KIAA1328: variants seen among roughly 807,000 people sequenced by gnomAD.
KIAA1328 encodes the protein KIAA1328.
A neutral mutation model predicts 68.1 loss-of-function variants in KIAA1328; 52 were observed. The ratio of observed to expected loss-of-function variants is 0.76; its 90% confidence interval spans 0.61 to 0.96. The LOEUF is 0.96. Among genes scored for constraint, KIAA1328 ranks in the 40% least tolerant of loss-of-function variants. The probability of loss-of-function intolerance (pLI) is 0.00; values close to 1 mark genes in which losing one functional copy is unlikely to be tolerated. For synonymous variants in KIAA1328, 232 were observed against 239.4 expected (o/e 0.97, Z 0.28); for missense variants, 641 against 677.6 (o/e 0.95, Z 0.60).
chr18:37,030,683 T>C (rs2054788480), intron 6 of KIAA1328, among the ~76,000 whole-genome samples: 1 of 152,134 alleles, frequency 6.6e-6, no homozygotes, highest in African/African-American at 2.4e-5. Context: ...TCTTTCTTTT[T>C]ATTTATTTAT....
chr18:37,142,943 T>TG (rs2058802377), intron 7 of KIAA1328, among the ~76,000 whole-genome samples: 1 of 99,098 alleles, frequency 1.0e-5, no homozygotes, highest in South Asian at 2.8e-4. Context: ...TTTACTTTGG[T>TG]TTTTTTTTTT....
intron 5 of KIAA1328, among the ~76,000 whole-genome samples, chr18:36,942,109 A>G (rs1023739799): frequency 2.6e-5 from 4 of 152,220 alleles, no homozygotes; most frequent in African/African-American, 9.7e-5. Context: ...AAGGTTGCTG[A>G]AGTGGGATAT....
chr18:36,883,484 G>T (rs2048386307), intron 4 of KIAA1328, among the ~76,000 whole-genome samples: 1 of 152,184 alleles, frequency 6.6e-6, no homozygotes, highest in Non-Finnish European at 1.5e-5. Flanking sequence ...AGCAGGCTGG[G>T]CATGCCAACA....
At chr18:37,072,322 T>A (rs1344156341) in intron 7 of KIAA1328, among the ~76,000 whole-genome samples, 1 of 151,874 alleles carries the variant, frequency 6.6e-6, no homozygotes, top group African/African-American at 2.4e-5. Context: ...TATCAGCACT[T>A]GACAAATGTG....
intron 6 of KIAA1328, among the ~76,000 whole-genome samples, chr18:36,997,914 G>T (rs2053452047): frequency 6.6e-6 from 1 of 152,178 alleles, no homozygotes; most frequent in Non-Finnish European, 1.5e-5. Flanking sequence ...ACCCAACCAG[G>T]ACTGGGGTAT....
chr18:36,996,230 C>T (rs1598924717), intron 6 of KIAA1328, among the ~76,000 whole-genome samples: 1 of 152,168 alleles, frequency 6.6e-6, no homozygotes, highest in Non-Finnish European at 1.5e-5. Flanking sequence ...ATAGTCAACA[C>T]TTATATGCAC....
chr18:36,938,620 C>T (rs577567084), intron 5 of KIAA1328, among the ~76,000 whole-genome samples: 84 of 152,244 alleles, frequency 5.5e-4, no homozygotes, highest in African/African-American at 1.9e-3. Flanking sequence ...TCTTTACTTT[C>T]GTTGCCTGTT....
chr18:36,865,797 G>A (rs945230060), intron 4 of KIAA1328, among the ~76,000 whole-genome samples: 4 of 152,050 alleles, frequency 2.6e-5, no homozygotes, highest in Admixed American at 1.3e-4. Context: ...GACTCTTCAT[G>A]TTGGACCATC....
chr18:37,186,564 C>CAAA (rs397858280), intron 9 of KIAA1328, among the ~76,000 whole-genome samples: 29 of 73,160 alleles, frequency 4.0e-4, no homozygotes, highest in East Asian at 9.5e-4. Context: ...GAAACCCTAT[C>CAAA]AAAAAAAAAA....
At chr18:37,066,203 A>G (rs908090050) in intron 6 of KIAA1328, among the ~76,000 whole-genome samples, 3 of 152,222 alleles carry the variant, frequency 2.0e-5, no homozygotes, top group Admixed American at 6.5e-5. Context: ...ATCTGACTCT[A>G]TTGACATGTC....
intron 9 of KIAA1328, among the ~76,000 whole-genome samples, chr18:37,193,397 G>A (rs563202671): frequency 9.9e-5 from 15 of 152,114 alleles, no homozygotes; most frequent in South Asian, 2.1e-4. Flanking sequence ...TAAACAAAGA[G>A]TATAGTCTCA....
intron 6 of KIAA1328, among the ~76,000 whole-genome samples, chr18:37,053,617 A>G (rs1246874264): frequency 6.6e-6 from 1 of 152,204 alleles, no homozygotes; most frequent in Non-Finnish European, 1.5e-5. Context: ...GGTAATTTAT[A>G]AAGGAAAGAG....
At chr18:37,017,708 A>T (rs1021402169) in intron 6 of KIAA1328, among the ~76,000 whole-genome samples, 1 of 152,126 alleles carries the variant, frequency 6.6e-6, no homozygotes, top group Non-Finnish European at 1.5e-5. Flanking sequence ...CTTTATTGTT[A>T]TAGAATGCCT....
At chr18:37,000,258 A>G (rs2053540331) in intron 6 of KIAA1328, among the ~76,000 whole-genome samples, 1 of 152,122 alleles carries the variant, frequency 6.6e-6, no homozygotes, top group African/African-American at 2.4e-5. Context: ...AATAAAAGAC[A>G]AAGAAGGTCT....
Position 37,106,480 on chromosome 18 carries a change from G to A in KIAA1328, c.1232+38935G>A, listed in dbSNP as rs1192598205. Reference sequence around the variant, plus strand: ...GTCACCCAGGCTGGAGTGCAGTGGCGAGATCTTGGCTCACTGCAACTTCTG... The same window carrying A: ...GTCACCCAGGCTGGAGTGCAGTGGCAAGATCTTGGCTCACTGCAACTTCTG... On this transcript the variant is annotated intron_variant, in intron 7 of 9. Transcript: ENST00000280020. 4.6e-5 allele frequency among the ~76,000 whole-genome samples: 7 copies of A among 151,164 alleles called. 1 individual carries two copies. The highest frequency in any genetic ancestry group is 4.2e-4 in the South Asian group (2 of 4,788).
At chr18:37,028,440 G>A (rs546458397) in intron 6 of KIAA1328, among the ~76,000 whole-genome samples, 45 of 151,818 alleles carry the variant, frequency 3.0e-4, no homozygotes, top group African/African-American at 9.9e-4. Flanking sequence ...CAGAGACTAG[G>A]ATTTTCTAGA....
chr18:37,219,930 G>A (rs1020085031), intron 9 of KIAA1328, among the ~76,000 whole-genome samples: 3 of 152,174 alleles, frequency 2.0e-5, no homozygotes, highest in African/African-American at 4.8e-5. Context: ...GGGAGCTGCA[G>A]ACTGGTGCTG....
At chr18:36,829,543 G>A in intron 1 of KIAA1328, 1 of 811,064 alleles carries the variant, frequency 1.2e-6, no homozygotes, top group South Asian at 5.0e-5. Context: ...AGGCTGACTT[G>A]AGTGTGCGGA....
intron 6 of KIAA1328, among the ~76,000 whole-genome samples, chr18:37,026,753 C>T (rs2054599229): frequency 6.6e-6 from 1 of 152,068 alleles, no homozygotes; most frequent in Admixed American, 6.6e-5. Flanking sequence ...TATGACAAAC[C>T]CACAGCCAAT....
Sources: allele counts gnomAD v4.1 joint callset (sites outside exome capture counted in the v4.1 genomes callset), GRCh38; gene constraint gnomAD v4.1.1; transcripts MANE v1.5; gene names NCBI Gene and HGNC (gene_info 2026-07-23, HGNC 2026-07-21).